The following ARHGAP27 variants were observed in gnomAD, a reference collection of about 807,000 sequenced individuals.
The protein encoded by ARHGAP27 is rho GTPase-activating protein 27.
Under a neutral mutation model 102.0 loss-of-function variants are expected in ARHGAP27, and 53 were observed. The ratio of observed to expected loss-of-function variants is 0.52; its 90% CI spans 0.42 to 0.65. The LOEUF is 0.65. ARHGAP27 is among the 30% of genes least tolerant of loss of function. The pLI is 0.00. For synonymous variants in ARHGAP27, 525 were observed against 542.8 expected (o/e 0.97, Z 0.46); for missense variants, 1,117 against 1,256.2 (o/e 0.89, Z 1.68).
chr17:45,413,226 G>A (rs2048102969), intron 4 of ARHGAP27, among the ~76,000 whole-genome samples: 1 of 151,820 alleles, frequency 6.6e-6, no homozygotes, highest in African/African-American at 2.4e-5. Flanking sequence ...GTGATCCGCC[G>A]CCTTGGTCTC....
chr17:45,429,622 C>A lies in ARHGAP27; in HGVS notation c.657+1G>T. 1 of 1,580,250 alleles carries A rather than the reference C, an allele frequency of 6.3e-7. No homozygotes were observed. Among genetic ancestry groups the A allele is most frequent in the East Asian group, 2.3e-5 (1 of 43,064 alleles). On this transcript the variant is annotated splice_donor_variant, in intron 4 of 19. Transcript: ENST00000685559. LOFTEE classifies it high-confidence loss of function. ...CCGCGCCCCAGCGCCCGGGGAGGTA[C>A]CTGCTCTGCGCTCTCCTCCGGCGGC...
chr17:45,405,772 C>G lies in ARHGAP27; in HGVS notation c.969G>C (p.Thr323=). The change falls in exon 5 of 20, where the codon ACG becomes ACC. Residue 323 remains threonine (T), a synonymous_variant. Transcript: ENST00000685559. ...SRRVFFYNPL[T]GETAWEDEAE... ...CCTCGTCCTCCCAGGCCGTCTCGCCCGTCAGCGGGTTGTAGAAGAACACCC... is the reference window on the plus strand; with the variant it reads ...CCTCGTCCTCCCAGGCCGTCTCGCCGGTCAGCGGGTTGTAGAAGAACACCC... The G allele has an allele frequency of 3.8e-6, 6 of 1,578,298 alleles. 1 individual carries two copies. In the South Asian group the frequency reaches 4.5e-5, roughly 12 times the overall value.
intron 4 of ARHGAP27, among the ~76,000 whole-genome samples, chr17:45,415,308 GCCT>G (rs1385913805): frequency 6.6e-6 from 1 of 152,018 alleles, no homozygotes. Context: ...CTCAGGCCAG[GCCT>G]CCTAGTTTTC....
chr17:45,404,062 C>G lies in ARHGAP27; in HGVS notation c.1514G>C (p.Arg505Pro). Residue 505 changes from arginine to proline, a missense_variant, in exon 10 of 20, where the codon CGC (arginine) becomes CCC (proline). Coordinates refer to ENST00000685559, the MANE Select transcript of ARHGAP27 (RefSeq NM_001282290.2). ...CTTTCCCTTGTCTGCCGTCTTGGTG[C>G]GATGGAGCACCCCTGCCTTGTCCAA... ...KTLDKAGVLH[R>P]TKTADKGKRL... 1 of 1,614,122 alleles carries G rather than the reference C, an allele frequency of 6.2e-7. No homozygotes were observed. The highest frequency in any genetic ancestry group is 8.5e-7 in the Non-Finnish European group (1 of 1,180,020).
chr17:45,416,039 T>G (rs529388930), intron 4 of ARHGAP27, among the ~76,000 whole-genome samples: 80 of 152,046 alleles, frequency 5.3e-4, no homozygotes, highest in Non-Finnish European at 1.0e-3. Context: ...TTTGTTTTTT[T>G]TTTTTGTTTG....
In ARHGAP27 at chr17:45,405,110, C is replaced by T. The variant is rs549760728; in HGVS notation, c.1066-4G>A. 16 of 1,567,192 alleles carry T rather than the reference C, an allele frequency of 1.0e-5. No individual in the cohort carries two copies. The East Asian group carries it at 2.3e-4, about 22-fold the overall frequency. ...AGTCCGTCTCGGGAGTGGGGGGCTG[C>T]GGGGAACAGAAGGTGGAGTCAGAGG... is the stretch of plus-strand genomic sequence containing the variant. On this transcript the variant is annotated splice_region_variant and splice_polypyrimidine_tract_variant and intron_variant, in intron 5 of 19. Transcript: ENST00000685559.
intron 11 of ARHGAP27, 89 bp from the exon 12 acceptor site, chr17:45,402,907 T>C: frequency 8.6e-7 from 1 of 1,159,450 alleles, no homozygotes; most frequent in Non-Finnish European, 1.3e-6. Context: ...ATGGGGTCAC[T>C]GGCATGGCCA....
chr17:45,403,575 A>G, intron 11 of ARHGAP27, 44 bp downstream of exon 11: 1 of 1,462,650 alleles, frequency 6.8e-7, no homozygotes, highest in Non-Finnish European at 9.3e-7. Flanking sequence ...TAAAAATAAA[A>G]AAAAGCAGAT....
Position 45,395,491 on chromosome 17 carries a change from G to A in ARHGAP27, c.2635C>T (p.Leu879=), listed in dbSNP as rs1380632450. The A allele has an allele frequency of 6.3e-7, 1 of 1,585,458 alleles. No individual in the cohort carries two copies. The highest frequency in any genetic ancestry group is 1.1e-5 in the South Asian group (1 of 87,130). The change falls in exon 20 of 20, where the codon CTG becomes TTG. Residue 879 remains leucine, a synonymous_variant. Coordinates refer to ENST00000685559, the MANE Select transcript of ARHGAP27 (RefSeq NM_001282290.2). ...VFQNQVVELI[L]QQCADIFPPH ...GGGAAGATGTCCGCGCACTGCTGCA[G>A]GATGAGCTCCACCACCTGGTTCTGG...
rs996504069 is a variant in ARHGAP27 at position 45,430,981 on chromosome 17, T to C, written c.-19+640A>G. On this transcript the variant is annotated intron_variant, in intron 3 of 19. Transcript: ENST00000685559. This position sits in a 1 kb window ranked among gnomAD's most constrained non-coding sequence, Gnocchi z 4.4. ...GTTTCTCTTTCCTTCCCCAGCTGCA[T>C]CACCGCAGACGTGAGCCCGAGCCCG... 2.8e-4 allele frequency among the ~76,000 whole-genome samples: 42 copies of C among 151,962 alleles called. No individual in the cohort carries two copies. The highest frequency in any genetic ancestry group is 9.7e-4 in the East Asian group (5 of 5,148).
chr17:45,399,389 G>A (rs1480448655), intron 12 of ARHGAP27, among the ~76,000 whole-genome samples: 1 of 152,012 alleles, frequency 6.6e-6, no homozygotes, highest in African/African-American at 2.4e-5. Context: ...TCAGGAGATG[G>A]AGACCATTCT....
In ARHGAP27 at chr17:45,396,083, C is replaced by T. The variant is rs1466632089; in HGVS notation, c.2286G>A (p.Glu762=). ...ERLDLDDGRW[E]DVHVITGALK... The stretch of plus-strand genomic sequence containing the variant: ...GGGCTCCGGTGATAACGTGGACGTC[C>T]TCCCAGCGCCCGTCATCCAGGTCAA... The change falls in exon 18 of 20, where the codon GAG becomes GAA. Residue 762 remains glutamate (E), a synonymous_variant. Coordinates refer to ENST00000685559, the MANE Select transcript of ARHGAP27 (RefSeq NM_001282290.2). 3 of 1,613,520 alleles carry T rather than the reference C, an allele frequency of 1.9e-6. No individual in the cohort carries two copies. Among genetic ancestry groups the T allele is most frequent in the Non-Finnish European group, 2.5e-6 (3 of 1,179,748 alleles).
Position 45,405,108 on chromosome 17 carries a change from T to C in ARHGAP27, c.1066-2A>G, listed in dbSNP as rs2046973464. 1 of 1,568,726 alleles carries C rather than the reference T, an allele frequency of 6.4e-7. No homozygotes were observed. The highest frequency in any genetic ancestry group is 1.2e-5 in the South Asian group (1 of 83,024). ...GTAGTCCGTCTCGGGAGTGGGGGGC[T>C]GCGGGGAACAGAAGGTGGAGTCAGA... is the stretch of plus-strand genomic sequence containing the variant. On this transcript the variant is annotated splice_acceptor_variant, in intron 5 of 19. Transcript: ENST00000685559. LOFTEE classifies it high-confidence loss of function.
intron 4 of ARHGAP27, among the ~76,000 whole-genome samples, chr17:45,411,948 A>T (rs1186915610): frequency 6.6e-6 from 1 of 152,166 alleles, no homozygotes; most frequent in Non-Finnish European, 1.5e-5. Context: ...CTGGGTGGAG[A>T]GGGGAGAGAA....
intron 4 of ARHGAP27, chr17:45,409,938 C>CGTATCATTAAAA: frequency 2.3e-6 from 1 of 428,936 alleles, no homozygotes; most frequent in Non-Finnish European, 4.2e-6. Context: ...GAGGAGGAGC[C>CGTATCATTAAAA]AAGAGGGACC....
chr17:45,423,561 C>A (rs764830311), intron 4 of ARHGAP27, among the ~76,000 whole-genome samples: 1 of 152,196 alleles, frequency 6.6e-6, no homozygotes, highest in Non-Finnish European at 1.5e-5. Flanking sequence ...GCTCCTCCAA[C>A]ATGCCCCCAA....
rs1481259988 is a variant in ARHGAP27, at chr17:45,429,597, C to T, written c.657+26G>A. On this transcript the variant is annotated intron_variant, in intron 4 of 19. Transcript: ENST00000685559. ...GCGGTCCCTAGCGCGCCACCCGCCTCCGCGCCCCAGCGCCCGGGGAGGTAC... is the reference window on the plus strand; with the variant it reads ...GCGGTCCCTAGCGCGCCACCCGCCTTCGCGCCCCAGCGCCCGGGGAGGTAC... 1 of 1,575,856 alleles carries T rather than the reference C, an allele frequency of 6.3e-7. No homozygotes were observed. Among genetic ancestry groups the T allele is most frequent in the Middle Eastern group, 1.7e-4 (1 of 6,000 alleles).
chr17:45,414,531 G>A (rs2048246318), intron 4 of ARHGAP27, among the ~76,000 whole-genome samples: 1 of 150,822 alleles, frequency 6.6e-6, no homozygotes, highest in African/African-American at 2.4e-5. Context: ...TTGACTTCTT[G>A]GACTCAAGCA....
intron 5 of ARHGAP27, 67 bp downstream of exon 5, chr17:45,405,609 C>T: frequency 6.7e-7 from 1 of 1,493,980 alleles, no homozygotes; most frequent in Non-Finnish European, 8.9e-7. Flanking sequence ...CCCTGGGCCT[C>T]TGGGAGCAGG....
Sources: allele counts gnomAD v4.1 joint callset (sites outside exome capture counted in the v4.1 genomes callset), GRCh38; gene constraint gnomAD v4.1.1; non-coding constraint Gnocchi (gnomAD v3.1); transcripts MANE v1.5; gene names NCBI Gene and HGNC (gene_info 2026-07-23, HGNC 2026-07-21).